The following CREB5 variants were observed in gnomAD, a reference collection of about 807,000 sequenced individuals.
CREB5 encodes the protein cyclic AMP-responsive element-binding protein 5.
A neutral mutation model predicts 57.1 loss-of-function variants in CREB5; 19 were observed. The observed-to-expected ratio is 0.33, with a 90% CI of 0.23 to 0.49. The LOEUF is 0.49. CREB5 is among the 20% of genes least tolerant of loss of function. The probability of loss-of-function intolerance (pLI) is 0.99; values close to 1 mark genes in which losing one functional copy is unlikely to be tolerated. For synonymous variants in CREB5, 238 were observed against 238.3 expected (o/e 1.00, Z 0.01); for missense variants, 579 against 671.6 (o/e 0.86, Z 1.52).
intron 5 of CREB5, among the ~76,000 whole-genome samples, chr7:28,649,307 T>G (rs1799032865): frequency 6.6e-6 from 1 of 152,240 alleles, no homozygotes; most frequent in Non-Finnish European, 1.5e-5. Context: ...AGTTTCTACA[T>G]TTGTAAATGG....
intron 5 of CREB5, among the ~76,000 whole-genome samples, chr7:28,681,551 C>T (rs1400403588): frequency 6.6e-6 from 1 of 152,046 alleles, no homozygotes; most frequent in East Asian, 1.9e-4. Flanking sequence ...TCTTAGGGAC[C>T]TACTATGTAT....
intron 1 of CREB5, among the ~76,000 whole-genome samples, chr7:28,446,486 A>G (rs934390514): frequency 6.6e-5 from 10 of 152,036 alleles, no homozygotes; most frequent in African/African-American, 2.4e-4. Context: ...TCTGAATCCA[A>G]TTCTTTATAA....
chr7:28,430,603 C>T (rs932295586), intron 1 of CREB5, among the ~76,000 whole-genome samples: 7 of 151,922 alleles, frequency 4.6e-5, no homozygotes, highest in Non-Finnish European at 7.4e-5. Flanking sequence ...TCTGAATATT[C>T]TTTATCCCTA....
At chr7:28,625,991 A>T (rs904753463) in intron 5 of CREB5, among the ~76,000 whole-genome samples, 2 of 152,226 alleles carry the variant, frequency 1.3e-5, no homozygotes, top group Non-Finnish European at 2.9e-5. Flanking sequence ...CTAATTTCTT[A>T]CACCCTCTGG....
In CREB5 at chr7:28,790,508, A is replaced by AAAAG. The variant is rs983949567; in HGVS notation, c.703-13688_703-13687insGAAA. On this transcript the variant is annotated intron_variant, in intron 7 of 10. Coordinates refer to ENST00000357727, the MANE Select transcript of CREB5 (RefSeq NM_182898.4). The stretch of plus-strand genomic sequence containing the variant: ...AAAGAAAGAGAAGGAAAAAGAAAGA[A>AAAAG]AAATAAAGAAAGAAAGGGAAAAACT... 5.9e-5 allele frequency among the ~76,000 whole-genome samples: 9 copies of AAAAG among 152,140 alleles called. No homozygotes were observed. In the East Asian group the frequency reaches 9.6e-4, roughly 16 times the overall value.
intron 5 of CREB5, among the ~76,000 whole-genome samples, chr7:28,618,677 G>C (rs528667379): frequency 1.4e-3 from 210 of 152,304 alleles, no homozygotes; most frequent in Middle Eastern, 6.8e-3. Context: ...CATGATCTCT[G>C]TGATCCTCCC....
intron 1 of CREB5, among the ~76,000 whole-genome samples, chr7:28,333,909 C>A (rs899626165): frequency 2.0e-5 from 3 of 152,144 alleles, no homozygotes; most frequent in African/African-American, 7.2e-5. Flanking sequence ...TGGGTATATA[C>A]CCAGCAATAG....
chr7:28,763,346 A>G (rs1805772667), intron 7 of CREB5, among the ~76,000 whole-genome samples: 1 of 152,160 alleles, frequency 6.6e-6, no homozygotes, highest in Admixed American at 6.5e-5. Flanking sequence ...TTCTATTTCA[A>G]AGAGAGTCCT....
Position 28,822,279 on chromosome 7 carries a change from A to AAGAT in CREB5, c.*3002_*3005dup, listed in dbSNP as rs1222195856. 2.6e-5 allele frequency: 4 copies of AAGAT among 152,396 alleles called. No homozygotes were observed. Among genetic ancestry groups the AAGAT allele is most frequent in the South Asian group, 2.1e-4 (1 of 4,830 alleles). The allele number at this position is 152,396 out of a possible 1,614,324, so 9.4% of individuals were successfully genotyped here. On this transcript the variant is annotated 3_prime_UTR_variant, in exon 11 of 11. Transcript: ENST00000357727. ...AGTGCTTCTTGAAATTCCAAACAGA[A>AAGAT]AGATACATTGGTCAAATCCAACACT...
intron 1 of CREB5, among the ~76,000 whole-genome samples, chr7:28,468,064 C>T (rs1285948558): frequency 6.6e-6 from 1 of 152,098 alleles, no homozygotes; most frequent in Non-Finnish European, 1.5e-5. Context: ...GAGTTGGTGC[C>T]CAGCCTCCTG....
intron 1 of CREB5, among the ~76,000 whole-genome samples, chr7:28,450,432 G>A (rs571367487): frequency 6.6e-6 from 1 of 152,148 alleles, no homozygotes; most frequent in Non-Finnish European, 1.5e-5. Flanking sequence ...TGCTTGACTC[G>A]CATATGATGC....
At chr7:28,777,346 G>A (rs1049180781) in intron 7 of CREB5, among the ~76,000 whole-genome samples, 2 of 152,116 alleles carry the variant, frequency 1.3e-5, no homozygotes, top group African/African-American at 4.8e-5. Flanking sequence ...ATAGTCTTAT[G>A]ACAGGTTTCA....
chr7:28,328,188 G>A (rs899821480), intron 1 of CREB5, among the ~76,000 whole-genome samples: 2 of 152,136 alleles, frequency 1.3e-5, no homozygotes, highest in African/African-American at 4.8e-5. Flanking sequence ...TACTCCTTTT[G>A]CGTGGCAACT....
At chr7:28,326,289 C>A (rs1227632710) in intron 1 of CREB5, among the ~76,000 whole-genome samples, 3 of 152,090 alleles carry the variant, frequency 2.0e-5, no homozygotes, top group African/African-American at 7.2e-5. Context: ...TTTAAACCAA[C>A]CTCCTTTCCA....
intron 5 of CREB5, among the ~76,000 whole-genome samples, chr7:28,671,626 C>T (rs549437540): frequency 2.6e-5 from 4 of 152,130 alleles, no homozygotes; most frequent in South Asian, 2.1e-4. Flanking sequence ...CCAAGAAAGA[C>T]GAATTGAGCC....
At chr7:28,523,698 G>C (rs1476500739) in intron 4 of CREB5, among the ~76,000 whole-genome samples, 1 of 152,184 alleles carries the variant, frequency 6.6e-6, no homozygotes, top group African/African-American at 2.4e-5. Context: ...ACCTTGCTGT[G>C]CTTGCCCATG....
At chr7:28,395,402 A>G (rs952028855) in intron 1 of CREB5, among the ~76,000 whole-genome samples, 1 of 152,228 alleles carries the variant, frequency 6.6e-6, no homozygotes, top group African/African-American at 2.4e-5. Context: ...TTTGTTAGGA[A>G]CAAAGAAAAG....
At chr7:28,771,321 G>GAAA (rs1326333538) in intron 7 of CREB5, among the ~76,000 whole-genome samples, 1 of 152,088 alleles carries the variant, frequency 6.6e-6, no homozygotes, top group African/African-American at 2.4e-5. Context: ...ACTTTTCAAT[G>GAAA]AAAAAAATTC....
chr7:28,467,300 T>G (rs1790624421), intron 1 of CREB5, among the ~76,000 whole-genome samples: 1 of 152,136 alleles, frequency 6.6e-6, no homozygotes, highest in Non-Finnish European at 1.5e-5. Flanking sequence ...GGAGGGTCAT[T>G]AGGACTGGCC....
Sources: gnomAD v4.1 joint callset for allele counts (sites outside exome capture counted in the v4.1 genomes callset) on GRCh38, gnomAD v4.1.1 for gene constraint, MANE v1.5 for transcripts, NCBI Gene and HGNC (gene_info 2026-07-23, HGNC 2026-07-21) for gene names.